QARS1: variants seen among roughly 807,000 people sequenced by gnomAD.
QARS1 encodes the protein glutamine--tRNA ligase.
Under a neutral mutation model 106.9 loss-of-function variants are expected in QARS1, and 79 were observed. The observed-to-expected ratio is 0.74, with a 90% CI of 0.62 to 0.89. The LOEUF is 0.89. Ranked by LOEUF, QARS1 falls within the 40% of genes least tolerant of loss-of-function variation. The probability of loss-of-function intolerance (pLI) is 0.00; values close to 1 mark genes in which losing one functional copy is unlikely to be tolerated. For missense variants in QARS1, 966 were observed against 997.2 expected (o/e 0.97, Z 0.42); for synonymous variants, 395 against 367.7 (o/e 1.07, Z -0.85).
In QARS1 at chr3:49,098,396, C is replaced by G; in HGVS notation, c.2041G>C (p.Val681Leu). 1 of 1,614,216 alleles carries G rather than the reference C, an allele frequency of 6.2e-7. No individual in the cohort carries two copies. Among genetic ancestry groups the G allele is most frequent in the Non-Finnish European group, 8.5e-7 (1 of 1,180,042 alleles). ...GEKPKAFIHW[V>L]SQPLMCEVRL... is the part of the protein sequence containing the mutation. Reference sequence around the variant, plus strand: ...ACCTCACACATCAAAGGCTGTGACACCCAGTGAATAAAGGCCTTTGGCTTC... The same window carrying G: ...ACCTCACACATCAAAGGCTGTGACAGCCAGTGAATAAAGGCCTTTGGCTTC... The change falls in exon 21 of 24, where the codon GTG (valine) becomes CTG (leucine). Residue 681 changes from valine (V) to leucine (L), a missense_variant. Val to Leu is a conservative substitution (Grantham distance 32). Coordinates refer to ENST00000306125, the MANE Select transcript of QARS1 (RefSeq NM_005051.3).
intron 4 of QARS1, 107 bp from the exon 5 acceptor site, chr3:49,103,516 C>A (rs2107111427): frequency 6.4e-7 from 1 of 1,567,704 alleles, no homozygotes; most frequent in East Asian, 2.3e-5. Context: ...AGCCTGAGCC[C>A]AGCCAGACCA....
chr3:49,099,310 C>T (rs749026826), intron 17 of QARS1, 34 bp downstream of exon 17: 5 of 1,614,194 alleles, frequency 3.1e-6, no homozygotes, highest in Non-Finnish European at 2.5e-6. Flanking sequence ...CACACTCAAC[C>T]CCCAATGTAT....
intron 7 of QARS1, 101 bp from the exon 8 acceptor site, chr3:49,102,000 G>T: frequency 7.2e-7 from 1 of 1,382,916 alleles, no homozygotes; most frequent in Non-Finnish European, 9.9e-7. Context: ...CAATTCCAGA[G>T]ACAAGATATC....
In QARS1 at chr3:49,103,892, T is replaced by C. The variant is rs1404146549; in HGVS notation, c.346A>G (p.Ile116Val). 1 of 1,613,944 alleles carries C rather than the reference T, an allele frequency of 6.2e-7. No individual in the cohort carries two copies. The highest frequency in any genetic ancestry group is 1.3e-5 in the African/African-American group (1 of 74,918). ...DFERECGVGVIVTPEQIEEAV... is the reference protein window; with the variant it reads ...DFERECGVGVVVTPEQIEEAV... ...TCCTCAATCTGCTCTGGGGTCACAA[T>C]GACACCCACGCCACATTCCCGCTCG... is the stretch of plus-strand genomic sequence containing the variant. The change falls in exon 3 of 24, where the codon ATT becomes GTT. Residue 116 changes from isoleucine to valine, a missense_variant. Ile to Val is a conservative substitution (Grantham distance 29). Coordinates refer to ENST00000306125, the MANE Select transcript of QARS1 (RefSeq NM_005051.3).
rs1216940990 is a variant in QARS1 at position 49,103,934 on chromosome 3, T to C, written c.304A>G (p.Ile102Val). 3 of 1,613,986 alleles carry C rather than the reference T, an allele frequency of 1.9e-6. No individual in the cohort carries two copies. The highest frequency in any genetic ancestry group is 1.1e-5 in the South Asian group (1 of 91,084). The change falls in exon 3 of 24, where the codon ATC becomes GTC. Residue 102 changes from isoleucine (I) to valine (V), a missense_variant. Coordinates refer to ENST00000306125, the MANE Select transcript of QARS1 (RefSeq NM_005051.3). ...TCCCGCTCGAAGTCCACAGTGTCGATGGGGTCCAAGGGGTGACTCCGCACA... is the reference window on the plus strand; with the variant it reads ...TCCCGCTCGAAGTCCACAGTGTCGACGGGGTCCAAGGGGTGACTCCGCACA... ...EYVRSHPLDP[I>V]DTVDFERECG...
In QARS1 at chr3:49,104,673, G is replaced by T; in HGVS notation, c.61C>A (p.Arg21Ser). The T allele has an allele frequency of 6.2e-7, 1 of 1,610,538 alleles. No homozygotes were observed. The highest frequency in any genetic ancestry group is 1.1e-5 in the South Asian group (1 of 91,054). Residue 21 changes from arginine to serine, a missense_variant, in exon 1 of 24, where the codon CGC becomes AGC. Physicochemically the swap from Arg to Ser is moderately radical, Grantham distance 110 (BLOSUM62 -1). Transcript: ENST00000306125. Reference protein sequence around the residue: ...TSLGLSEQKARETLKNSALSA... With the variant: ...TSLGLSEQKASETLKNSALSA... ...AGAGCCGAGTTCTTGAGCGTCTCGCGGGCCTTCTGCTCGCTCAGGCCGAGG... is the reference window on the plus strand; with the variant it reads ...AGAGCCGAGTTCTTGAGCGTCTCGCTGGCCTTCTGCTCGCTCAGGCCGAGG...
At position 49,100,404 on chromosome 3, in the gene QARS1, G is replaced by A. The variant is rs749995144; in HGVS notation, c.1031C>T (p.Ala344Val). 8 of 1,614,228 alleles carry A rather than the reference G, an allele frequency of 5.0e-6. No individual in the cohort carries two copies. The highest frequency in any genetic ancestry group is 3.3e-5 in the Admixed American group (2 of 60,032). The stretch of plus-strand genomic sequence containing the variant: ...CCTGCGGATGAGCTCCACAGCCCAC[G>A]CATATAGCTGGTCAAAATAGTCAGA... ...YASDYFDQLY[A>V]WAVELIRRGL... The change falls in exon 12 of 24, where the codon GCG (alanine) becomes GTG (valine). Residue 344 changes from alanine to valine, a missense_variant. Ala to Val is a moderately conservative substitution (Grantham distance 64, BLOSUM62 0). Coordinates refer to ENST00000306125, the MANE Select transcript of QARS1 (RefSeq NM_005051.3).
chr3:49,098,215 C>T lies in QARS1; in HGVS notation c.2128G>A (p.Gly710Arg). 6.2e-7 allele frequency: 1 copy of T among 1,614,180 alleles called. No individual in the cohort carries two copies. The highest frequency in any genetic ancestry group is 1.1e-5 in the South Asian group (1 of 91,076). The change falls in exon 22 of 24, where the codon GGA becomes AGA. Residue 710 changes from glycine (G) to arginine (R), a missense_variant. Gly to Arg is a moderately radical substitution (Grantham distance 125, BLOSUM62 -2). Transcript: ENST00000306125. The stretch of plus-strand genomic sequence containing the variant: ...ACCAGGTTCAGGTCACTTAAAAATC[C>T]ACCAGGCACCTCAGTAGGATCTTCA... ...NPEDPTEVPG[G>R]FLSDLNLASL...
intron 11 of QARS1, 31 bp from the exon 12 acceptor site, chr3:49,100,489 C>A (rs1327839726): frequency 6.2e-7 from 1 of 1,610,638 alleles, no homozygotes; most frequent in Admixed American, 1.7e-5. Flanking sequence ...GTATGAGCAG[C>A]CAGCCACAAA....
intron 23 of QARS1, among the ~76,000 whole-genome samples, chr3:49,096,798 CAAAAAAAAAAAAAAAAAAAA>C (rs770587253): frequency 2.3e-3 from 32 of 14,160 alleles, no homozygotes; most frequent in South Asian, 0.014. Context: ...GACTCCGTCT[CAAAAAAAAAAAAAAAAAAAA>C]AAAAAAAAAA....
At chr3:49,102,881 G>A in intron 5 of QARS1, 1 of 345,164 alleles carries the variant, frequency 2.9e-6, no homozygotes, top group Non-Finnish European at 5.7e-6. Context: ...GACCTCAGGT[G>A]ATCTGCCCAC....
At chr3:49,096,109 C>T (rs1265203153) in intron 23 of QARS1, 30 bp from the exon 24 acceptor site, 1 of 1,611,898 alleles carries the variant, frequency 6.2e-7, no homozygotes, top group Non-Finnish European at 8.5e-7. Context: ...GGATGACCAC[C>T]AACCCAGAAC....
intron 10 of QARS1, 137 bp downstream of exon 10, chr3:49,101,218 C>T: frequency 3.0e-6 from 2 of 670,632 alleles, no homozygotes; most frequent in Non-Finnish European, 5.2e-6. Context: ...GTATCTGTCA[C>T]ACATGTGGTT....
chr3:49,101,749 GCCTCTGA>G, intron 8 of QARS1, 44 bp from the exon 9 acceptor site: 1 of 1,612,534 alleles, frequency 6.2e-7, no homozygotes, highest in Admixed American at 1.7e-5. Flanking sequence ...TGCAGCCAAA[GCCTCTGA>G]CCCCAGGGGC....
rs913984437 is a variant in QARS1, at chr3:49,104,737, A to G, written c.-4T>C. 1.1e-5 allele frequency: 17 copies of G among 1,612,156 alleles called. No individual in the cohort carries two copies. In the East Asian group the frequency reaches 3.8e-4, roughly 36 times the overall value. On this transcript the variant is annotated 5_prime_UTR_variant, in exon 1 of 24. Coordinates refer to ENST00000306125, the MANE Select transcript of QARS1 (RefSeq NM_005051.3). ...ACAGGGAGTCTAGAGCCGCCATTGC[A>G]GAGACACCGGAAACTAAAAGAAACT...
intron 23 of QARS1, 46 bp from the exon 24 acceptor site, chr3:49,096,125 C>T (rs769692806): frequency 1.0e-5 from 16 of 1,605,800 alleles, no homozygotes; most frequent in Non-Finnish European, 1.1e-5. Flanking sequence ...AGAACAAGGC[C>T]AGGGAGGCCT....
At chr3:49,096,694 GGAGGCT>G (rs1049876476) in intron 23 of QARS1, among the ~76,000 whole-genome samples, 39 of 150,984 alleles carry the variant, frequency 2.6e-4, no homozygotes, top group African/African-American at 9.2e-4. Context: ...CAGCTATTTG[GGAGGCT>G]GAGGCGGGAG....
intron 23 of QARS1, among the ~76,000 whole-genome samples, 163 bp from the exon 24 acceptor site, chr3:49,096,242 G>T (rs915984271): frequency 2.6e-5 from 4 of 152,194 alleles, no homozygotes; most frequent in Admixed American, 2.6e-4. Flanking sequence ...TGTGACTTTG[G>T]GTAAGGGACT....
intron 2 of QARS1, 52 bp from the exon 3 acceptor site, chr3:49,104,024 C>T (rs768187778): frequency 2.7e-6 from 4 of 1,493,092 alleles, no homozygotes; most frequent in African/African-American, 1.4e-5. Flanking sequence ...AAGAAGTGGA[C>T]AGACAGGGTC....
Sources: gnomAD v4.1 joint callset for allele counts (sites outside exome capture counted in the v4.1 genomes callset) on GRCh38, gnomAD v4.1.1 for gene constraint, MANE v1.5 for transcripts, NCBI Gene and HGNC (gene_info 2026-07-23, HGNC 2026-07-21) for gene names.